The following CCDC187 variants were observed in gnomAD, a reference collection of about 807,000 sequenced individuals.
CCDC187 encodes the protein coiled-coil domain-containing protein 187.
In CCDC187, 32 loss-of-function variants were observed where a neutral mutation model predicts 38.0. That is an observed-to-expected ratio of 0.84 (90% confidence interval 0.64 to 1.13). The LOEUF (loss-of-function observed/expected upper bound fraction) is 1.13. CCDC187 is among the 50% of genes most tolerant of loss of function. CCDC187 has a pLI of 0.00. For missense variants in CCDC187, 707 were observed against 786.8 expected (o/e 0.90, Z 1.21); for synonymous variants, 333 against 347.9 (o/e 0.96, Z 0.48).
chr9:136,265,796 C>T, intron 17 of CCDC187, 160 bp downstream of exon 17: 1 of 197,658 alleles, frequency 5.1e-6, no homozygotes, highest in Non-Finnish European at 9.1e-6. Context: ...CGTGGACACT[C>T]CTTCTATACT....
chr9:136,280,135 C>T (rs1277158688), intron 10 of CCDC187, among the ~76,000 whole-genome samples: 1 of 152,254 alleles, frequency 6.6e-6, no homozygotes, highest in East Asian at 1.9e-4. Context: ...TGAACTGCCG[C>T]CCCACCCCAC....
At position 136,254,704 on chromosome 9, in the gene CCDC187, C is replaced by T; in HGVS notation, c.5124G>A (p.Gln1708=). ...GGGWVTWQRP[Q]GRRAGPLRGS... ...CACGCAGGGGGCCGGCCCTGCGGCCCTGGGGCCTCTGCCAGGTCACCCATC... is the reference window on the plus strand; with the variant it reads ...CACGCAGGGGGCCGGCCCTGCGGCCTTGGGGCCTCTGCCAGGTCACCCATC... Residue 1708 remains glutamine (Q), a synonymous_variant, in exon 26 of 26, where the codon CAG becomes CAA. Transcript: ENST00000638797. The T allele has an allele frequency of 1.0e-6, 1 of 985,552 alleles. No homozygotes were observed. The allele number at this position is 985,552 out of a possible 1,614,324, so 61.1% of individuals were successfully genotyped here.
At position 136,286,365 on chromosome 9, in the gene CCDC187, C is replaced by T. The variant is rs1216873705; in HGVS notation, c.2553G>A (p.Leu851=). The T allele has an allele frequency of 5.0e-6, 2 of 398,688 alleles. No homozygotes were observed. The highest frequency in any genetic ancestry group is 3.6e-5 in the East Asian group (1 of 28,080). 24.7% of individuals were successfully genotyped at this position (398,688 alleles called of 1,614,324 possible). Residue 851 remains leucine, a synonymous_variant, in exon 8 of 26, where the codon CTG becomes CTA. Coordinates refer to ENST00000638797, the MANE Select transcript of CCDC187 (RefSeq NM_001378188.1). ...LTAKLQGAEA[L]DTVRDPAVGL... ...CCACAGCTGGGTCCCTGACGGTGTC[C>T]AGCGCTTCGGCACCCTGCAGCTTGG...
chr9:136,306,181 C>T (rs904884683), upstream of CCDC187, among the ~76,000 whole-genome samples: 6 of 152,332 alleles, frequency 3.9e-5, no homozygotes, highest in East Asian at 1.2e-3. Flanking sequence ...GGCCAGGCCC[C>T]CCTGTCCCCA....
At chr9:136,272,866 C>T (rs1830863672) in intron 14 of CCDC187, among the ~76,000 whole-genome samples, 1 of 151,936 alleles carries the variant, frequency 6.6e-6, no homozygotes, top group Non-Finnish European at 1.5e-5. Context: ...ACAGTGAGAC[C>T]CCCATCTCAA....
In CCDC187 at chr9:136,290,793, C is replaced by T; in HGVS notation, c.1820G>A (p.Ser607Asn). 2.5e-6 allele frequency: 1 copy of T among 398,572 alleles called. No individual in the cohort carries two copies. The highest frequency in any genetic ancestry group is 4.4e-6 in the Non-Finnish European group (1 of 225,998). 24.7% of individuals were successfully genotyped at this position (398,572 alleles called of 1,614,324 possible). Reference protein sequence around the residue: ...AKHALPRPTGSFPQNPLGKEK... With the variant: ...AKHALPRPTGNFPQNPLGKEK... The stretch of plus-strand genomic sequence containing the variant: ...CTTCCCAAGTGGGTTCTGAGGGAAG[C>T]TCCCGGTGGGCCTTGGCAGGGCATG... The change falls in exon 6 of 26, where the codon AGC becomes AAC. Residue 607 changes from serine (S) to asparagine (N), a missense_variant. Ser to Asn is a conservative substitution (Grantham distance 46, BLOSUM62 1). Coordinates refer to ENST00000638797, the MANE Select transcript of CCDC187 (RefSeq NM_001378188.1).
chr9:136,277,436 T>G (rs1411195676), intron 10 of CCDC187, among the ~76,000 whole-genome samples: 1 of 62,998 alleles, frequency 1.6e-5, no homozygotes, highest in Non-Finnish European at 3.1e-5. Flanking sequence ...AGGGGGTGAG[T>G]GGGTGCAGAT....
At chr9:136,281,257 C>T (rs1320018178) in intron 10 of CCDC187, 7 of 397,092 alleles carry the variant, frequency 1.8e-5, no homozygotes, top group East Asian at 7.1e-5. Flanking sequence ...TGTAAGGAAG[C>T]GCCCTAGGAG....
intron 14 of CCDC187, among the ~76,000 whole-genome samples, chr9:136,273,885 C>A (rs1554762817): frequency 6.6e-6 from 1 of 152,264 alleles, no homozygotes. Flanking sequence ...GTCACCGCAT[C>A]TGCCATGATC....
At chr9:136,281,523 C>T (rs1239168687) in intron 10 of CCDC187, 28 bp downstream of exon 10, 4 of 398,586 alleles carry the variant, frequency 1.0e-5, no homozygotes, top group African/African-American at 8.2e-5. Flanking sequence ...CCAGCCAGCC[C>T]AGGGCCTGTC....
chr9:136,270,930 T>C (rs782296608), intron 14 of CCDC187, among the ~76,000 whole-genome samples: 11 of 152,238 alleles, frequency 7.2e-5, no homozygotes, highest in Non-Finnish European at 1.6e-4. Flanking sequence ...TATTAAAAGC[T>C]AAATGATTAA....
chr9:136,293,453 T>TCACACACATGCTCA (rs1246784095), intron 4 of CCDC187, among the ~76,000 whole-genome samples: 50,231 of 99,832 alleles, frequency 0.5, 12,370 homozygotes, highest in Admixed American at 0.57. Context: ...TCACACATGC[T>TCACACACATGCTCA]CACACTCACA....
At position 136,292,226 on chromosome 9, in the gene CCDC187, G is replaced by A. The variant is rs1766382883; in HGVS notation, c.902C>T (p.Pro301Leu). Residue 301 changes from proline to leucine, a missense_variant, in exon 5 of 26, where the codon CCT becomes CTT. By Grantham distance (98) the Pro-to-Leu change is moderately conservative. Coordinates refer to ENST00000638797, the MANE Select transcript of CCDC187 (RefSeq NM_001378188.1). ...GCTATGGTGCCTGCGGAGGACGGGA[G>A]GGGGCCCAAGCAGCGACCTCACCAG... Reference protein sequence around the residue: ...QALVRSLLGPPPVLRRHHSKD... With the variant: ...QALVRSLLGPLPVLRRHHSKD... The A allele has an allele frequency of 5.0e-6, 2 of 398,664 alleles. No homozygotes were observed. The highest frequency in any genetic ancestry group is 1.3e-4 in the South Asian group (1 of 7,872). 24.7% of individuals were successfully genotyped at this position (398,664 alleles called of 1,614,324 possible).
intron 19 of CCDC187, among the ~76,000 whole-genome samples, chr9:136,261,751 G>C (rs1376443130): frequency 6.6e-6 from 1 of 152,220 alleles, no homozygotes; most frequent in Non-Finnish European, 1.5e-5. Flanking sequence ...GCCTCCAAAG[G>C]CTGCTCCCCC....
upstream of CCDC187, among the ~76,000 whole-genome samples, chr9:136,304,438 G>GGCTGGGCAGGGGAAGGGGC (rs1831766637): frequency 6.6e-6 from 1 of 152,200 alleles, no homozygotes; most frequent in Non-Finnish European, 1.5e-5. Context: ...AGTTCCATGG[G>GGCTGGGCAGGGGAAGGGGC]GCTGGGCAGG....
intron 9 of CCDC187, among the ~76,000 whole-genome samples, chr9:136,284,857 G>A (rs1831135639): frequency 2.0e-5 from 3 of 152,262 alleles, no homozygotes; most frequent in South Asian, 2.1e-4. Context: ...TGCAACCTCT[G>A]TCACGAGCAT....
At position 136,302,794 on chromosome 9, in the gene CCDC187, G is replaced by A. The variant is rs906716495; in HGVS notation, c.625+18C>T. 20 of 399,106 alleles carry A rather than the reference G, an allele frequency of 5.0e-5. No homozygotes were observed. The highest frequency in any genetic ancestry group is 3.7e-4 in the African/African-American group (18 of 48,766). The allele number at this position is 399,106 out of a possible 1,614,324, so 24.7% of individuals were successfully genotyped here. ...CCTCGCAGCCCTCCTGCCCCTCTCT[G>A]GCAAAGTGGCCACTGACCTGAGCAT... is the stretch of plus-strand genomic sequence containing the variant. On this transcript the variant is annotated intron_variant, in intron 2 of 25. Coordinates refer to ENST00000638797, the MANE Select transcript of CCDC187 (RefSeq NM_001378188.1).
intron 13 of CCDC187, 45 bp from the exon 14 acceptor site, chr9:136,274,794 A>AGTGCCCACCCCACTGCCT (rs1488971708): frequency 6.6e-6 from 1 of 152,388 alleles, no homozygotes; most frequent in East Asian, 1.9e-4. Flanking sequence ...CAGCGCCCGC[A>AGTGCCCACCCCACTGCCT]GTGCCCACCC....
At chr9:136,283,480 C>T (rs993890901) in intron 9 of CCDC187, among the ~76,000 whole-genome samples, 8 of 152,370 alleles carry the variant, frequency 5.3e-5, no homozygotes, top group South Asian at 2.1e-4. Context: ...CAGGGCCCAG[C>T]GAGCCTCTGA....
Sources: allele counts gnomAD v4.1 joint callset (sites outside exome capture counted in the v4.1 genomes callset), GRCh38; gene constraint gnomAD v4.1.1; transcripts MANE v1.5; gene names NCBI Gene and HGNC (gene_info 2026-07-23, HGNC 2026-07-21).